The following NOX5 variants were observed in gnomAD, a reference collection of about 807,000 sequenced individuals.
NOX5 encodes NADPH oxidase 5.
NOX5 carries 76 observed loss-of-function variants against 85.7 expected under a neutral mutation model. That is an observed-to-expected ratio of 0.89 (90% CI 0.74 to 1.07). The LOEUF is 1.07. NOX5 is among the 50% of genes least tolerant of loss of function. The probability of loss-of-function intolerance (pLI) is 0.00; values close to 1 mark genes in which losing one functional copy is unlikely to be tolerated. For missense variants in NOX5, 973 were observed against 999.5 expected, an observed-to-expected ratio of 0.97 and a Z score of 0.36; for synonymous variants, 405 against 401.4, an observed-to-expected ratio of 1.01 and a Z score of -0.11.
chr15:69,037,110 T>C lies in NOX5; in HGVS notation c.1271T>C (p.Leu424Pro), dbSNP rs1191501417. The C allele has an allele frequency of 6.2e-7, 1 of 1,614,018 alleles. No homozygotes were observed. Among genetic ancestry groups the C allele is most frequent in the African/African-American group, 1.3e-5 (1 of 74,902 alleles). ...FHGPNFWKWL[L>P]VPGILFFLEK... Reference sequence around the variant, plus strand: ...GGGCCCAACTTCTGGAAGTGGCTGCTGGTGCCTGGAATCTTGTTTTTCCTG... The same window carrying C: ...GGGCCCAACTTCTGGAAGTGGCTGCCGGTGCCTGGAATCTTGTTTTTCCTG... Residue 424 changes from leucine to proline, a missense_variant, in exon 8 of 16, where the codon CTG becomes CCG. Physicochemically the swap from Leu to Pro is moderately conservative, Grantham distance 98. Transcript: ENST00000388866.
Position 69,059,264 on chromosome 15 carries a change from G to A in NOX5, c.*2568G>A, listed in dbSNP as rs1418002892. On this transcript the variant is annotated 3_prime_UTR_variant, in exon 16 of 16. Coordinates refer to ENST00000388866, the MANE Select transcript of NOX5 (RefSeq NM_024505.4). ...ACAGATTCCAGTTGCCCACGAGAGG[G>A]CGCTGCAGAATCACGGATCTCAAGC... is the stretch of plus-strand genomic sequence containing the variant. The A allele has an allele frequency of 6.6e-6, 1 of 152,194 alleles. No individual in the cohort carries two copies. Among genetic ancestry groups the A allele is most frequent in the African/African-American group, 2.4e-5 (1 of 41,432 alleles). The allele number at this position is 152,194 out of a possible 1,614,324, so 9.4% of individuals were successfully genotyped here. A position where few individuals can be genotyped will look rare whatever the true frequency, so the allele number is the denominator to read the frequency against.
intron 9 of NOX5, among the ~76,000 whole-genome samples, chr15:69,041,970 C>T (rs1361557451): frequency 6.6e-6 from 1 of 151,458 alleles, no homozygotes; most frequent in Non-Finnish European, 1.5e-5. Context: ...CCCAGGGAAG[C>T]CAAAAGATTG....
chr15:69,034,152 A>G (rs546851244), intron 5 of NOX5, among the ~76,000 whole-genome samples: 14 of 152,362 alleles, frequency 9.2e-5, no homozygotes, highest in African/African-American at 3.4e-4. Context: ...TCTAGCTCAG[A>G]TACGCTTCTG....
chr15:69,049,158 A>C, intron 14 of NOX5, 100 bp downstream of exon 14: 1 of 671,746 alleles, frequency 1.5e-6, no homozygotes, highest in Non-Finnish European at 2.4e-6. Flanking sequence ...GTAACCTAAA[A>C]TGAACCATTT....
At chr15:69,047,083 C>T (rs1295269053) in intron 11 of NOX5, 3 of 596,094 alleles carry the variant, frequency 5.0e-6, no homozygotes, top group Non-Finnish European at 8.9e-6. Context: ...TGTCTCTTCA[C>T]CAGGAGCAGG....
chr15:69,019,457 A>G (rs1567091693), intron 1 of NOX5, among the ~76,000 whole-genome samples: 1 of 152,262 alleles, frequency 6.6e-6, no homozygotes, highest in Non-Finnish European at 1.5e-5. Context: ...TCTCTACATT[A>G]TGGCTCATAC....
rs985049149 is a variant in NOX5 at position 69,028,211 on chromosome 15, A to G, written c.175-4A>G. ...GTGCTGTCTTCCACCCTTCTCGCCCACAGTCCTTCTTTGCAGAGCGATTCT... is the reference window on the plus strand; with the variant it reads ...GTGCTGTCTTCCACCCTTCTCGCCCGCAGTCCTTCTTTGCAGAGCGATTCT... On this transcript the variant is annotated splice_region_variant and splice_polypyrimidine_tract_variant and intron_variant, in intron 2 of 15. Transcript: ENST00000388866. 3 of 1,594,980 alleles carry G rather than the reference A, an allele frequency of 1.9e-6. No individual in the cohort carries two copies. Among genetic ancestry groups the G allele is most frequent in the Admixed American group, 1.7e-5 (1 of 57,706 alleles).
At chr15:69,015,308 AG>A (rs1483462361) in intron 1 of NOX5, among the ~76,000 whole-genome samples, 1 of 151,972 alleles carries the variant, frequency 6.6e-6, no homozygotes, top group Non-Finnish European at 1.5e-5. Context: ...TGGCTGTCCC[AG>A]TCTCTTCTCA....
At chr15:69,051,665 G>T (rs2050751197) in intron 14 of NOX5, among the ~76,000 whole-genome samples, 2 of 152,132 alleles carry the variant, frequency 1.3e-5, no homozygotes, top group African/African-American at 2.4e-5. Context: ...ATGCACCACT[G>T]CACCTGGCCT....
rs1050791285 is a variant in NOX5 at position 69,026,440 on chromosome 15, G to A, written c.51-88G>A. 33 of 1,563,976 alleles carry A rather than the reference G, an allele frequency of 2.1e-5. No homozygotes were observed. The African/African-American group carries it at 4.3e-4, about 21-fold the overall frequency. On this transcript the variant is annotated intron_variant, in intron 1 of 15. Transcript: ENST00000388866. ...TCAGGGAGGCTCAGGGCCCTAGTTA[G>A]AGCAAGGCAGAGGCCCTGGGACCAC...
chr15:69,037,361 C>G (rs2050535300), intron 8 of NOX5, 151 bp downstream of exon 8: 3 of 778,688 alleles, frequency 3.9e-6, no homozygotes, highest in Non-Finnish European at 2.0e-6. Context: ...AAGCAAAATG[C>G]AAGACCCAGT....
Position 69,047,224 on chromosome 15 carries a change from C to G in NOX5, c.1693-189C>G, listed in dbSNP as rs1210975777. 5.7e-6 allele frequency: 4 copies of G among 703,072 alleles called. No individual in the cohort carries two copies. The African/African-American group carries it at 7.2e-5, about 13-fold the overall frequency. 43.6% of individuals were successfully genotyped at this position (703,072 alleles called of 1,614,324 possible). ...TGCACTGTAACACCTAGAGCTCTCC[C>G]CAGACTGGTGCTGAGAGCACAGGAT... On this transcript the variant is annotated intron_variant, in intron 11 of 15. Transcript: ENST00000388866.
At chr15:69,052,958 C>T (rs1420665462) in intron 14 of NOX5, among the ~76,000 whole-genome samples, 1 of 152,148 alleles carries the variant, frequency 6.6e-6, no homozygotes, top group African/African-American at 2.4e-5. Context: ...CTGTTTGCTT[C>T]TTCCTAATCT....
intron 1 of NOX5, among the ~76,000 whole-genome samples, chr15:69,026,103 A>G (rs2050354062): frequency 6.6e-6 from 1 of 152,250 alleles, no homozygotes; most frequent in Non-Finnish European, 1.5e-5. Context: ...GTCCTGGCCC[A>G]CCAGGCTGTC....
At chr15:69,035,013 G>A (rs2050492780) in intron 5 of NOX5, among the ~76,000 whole-genome samples, 1 of 152,124 alleles carries the variant, frequency 6.6e-6, no homozygotes, top group Non-Finnish European at 1.5e-5. Context: ...TGATCCTACT[G>A]TCTCAGCCTT....
At chr15:69,052,539 T>C (rs2050762363) in intron 14 of NOX5, among the ~76,000 whole-genome samples, 1 of 152,138 alleles carries the variant, frequency 6.6e-6, no homozygotes, top group Non-Finnish European at 1.5e-5. Context: ...TTTAGACTTG[T>C]TGAGTTCATT....
At chr15:69,018,525 A>T (rs947604920) in intron 1 of NOX5, among the ~76,000 whole-genome samples, 4 of 137,142 alleles carry the variant, frequency 2.9e-5, no homozygotes, top group African/African-American at 1.1e-4. Context: ...CCAAGTGAGG[A>T]CCACCCCCAC....
At chr15:69,044,220 A>G (rs1445061272) in intron 10 of NOX5, among the ~76,000 whole-genome samples, 1 of 152,122 alleles carries the variant, frequency 6.6e-6, no homozygotes, top group East Asian at 1.9e-4. Context: ...GTGCACACAA[A>G]ACATAGTAAT....
At chr15:69,024,536 A>G (rs2050332432) in intron 1 of NOX5, among the ~76,000 whole-genome samples, 2 of 152,130 alleles carry the variant, frequency 1.3e-5, no homozygotes, top group Non-Finnish European at 2.9e-5. Flanking sequence ...GATCTCAAGA[A>G]GAAGAAGGGT....
Sources: gnomAD v4.1 joint callset for allele counts (sites outside exome capture counted in the v4.1 genomes callset) on GRCh38, gnomAD v4.1.1 for gene constraint, MANE v1.5 for transcripts, NCBI Gene and HGNC (gene_info 2026-07-23, HGNC 2026-07-21) for gene names.